Variants in ARHGEF10L observed in about 807,000 individuals in gnomAD.
ARHGEF10L encodes rho guanine nucleotide exchange factor 10-like protein.
In ARHGEF10L, 69 loss-of-function variants were observed where a neutral mutation model predicts 141.2. The ratio of observed to expected loss-of-function variants is 0.49; its 90% CI spans 0.40 to 0.60. The LOEUF is 0.60. ARHGEF10L is among the 20% of genes least tolerant of loss of function. The pLI is 0.00. For missense variants in ARHGEF10L, 1,482 were observed against 1,734.3 expected, an observed-to-expected ratio of 0.85 and a Z score of 2.58; for synonymous variants, 711 against 718.5, an observed-to-expected ratio of 0.99 and a Z score of 0.17.
chr1:17,597,033 T>G (rs2080179386), intron 4 of ARHGEF10L, among the ~76,000 whole-genome samples: 1 of 152,188 alleles, frequency 6.6e-6, no homozygotes, highest in Admixed American at 6.5e-5. Context: ...GGCCTTCTGG[T>G]GCACTTGAAC....
intron 9 of ARHGEF10L, chr1:17,618,262 A>AACCCC: frequency 2.9e-6 from 2 of 684,234 alleles, no homozygotes; most frequent in Non-Finnish European, 4.3e-6. Context: ...AGCCCTCCCC[A>AACCCC]CCCCGCCCAC....
intron 26 of ARHGEF10L, among the ~76,000 whole-genome samples, chr1:17,680,665 AGAG>A (rs1298564926): frequency 2.6e-5 from 4 of 151,740 alleles, no homozygotes; most frequent in Non-Finnish European, 5.9e-5. Flanking sequence ...TACAGATGAC[AGAG>A]GAGACTGAGT....
intron 1 of ARHGEF10L, among the ~76,000 whole-genome samples, chr1:17,564,623 C>T (rs1008030068): frequency 1.3e-5 from 2 of 152,166 alleles, no homozygotes; most frequent in African/African-American, 2.4e-5. Flanking sequence ...CAAAGGCCAG[C>T]GCTCTCATTT....
the ARHGEF10L span, among the ~76,000 whole-genome samples, chr1:17,514,911 G>A: frequency 5.3e-5 from 8 of 152,094 alleles, no homozygotes; most frequent in Admixed American, 4.6e-4. Context: ...CAGCGGCCCC[G>A]TCCAGCCCAC....
At chr1:17,539,560 CG>C (rs1557681577), upstream of ARHGEF10L, among the ~76,000 whole-genome samples, 1 of 151,764 alleles carries the variant, frequency 6.6e-6, no homozygotes, top group African/African-American at 2.4e-5. The surrounding 1 kb of genome is among the most constrained non-coding windows in gnomAD (Gnocchi z 6.0). Flanking sequence ...GGGCTCGCAG[CG>C]GGTCGGGGGA....
intron 19 of ARHGEF10L, among the ~76,000 whole-genome samples, 155 bp downstream of exon 19, chr1:17,638,158 C>T (rs1169764446): frequency 1.3e-5 from 2 of 152,242 alleles, no homozygotes; most frequent in Non-Finnish European, 2.9e-5. Flanking sequence ...GCTGCTGAAG[C>T]TCCATGTCCC....
chr1:17,641,726 C>G (rs893817893), intron 21 of ARHGEF10L, among the ~76,000 whole-genome samples: 5 of 151,936 alleles, frequency 3.3e-5, no homozygotes, highest in Non-Finnish European at 1.5e-5. Flanking sequence ...CGCCTGTAAT[C>G]CTAGCACTTT....
intron 19 of ARHGEF10L, 115 bp from the exon 20 acceptor site, chr1:17,638,447 C>T: frequency 1.4e-6 from 2 of 1,450,562 alleles, no homozygotes; most frequent in East Asian, 2.3e-5. Flanking sequence ...CAGTGAGGCT[C>T]CAGGACTTCT....
intron 1 of ARHGEF10L, among the ~76,000 whole-genome samples, chr1:17,554,927 A>G (rs796615451): frequency 7.9e-5 from 12 of 152,256 alleles, no homozygotes; most frequent in African/African-American, 2.9e-4. Flanking sequence ...CTGACCAGGC[A>G]CTATGCTGTT....
At chr1:17,602,286 C>A in intron 5 of ARHGEF10L, 68 bp downstream of exon 5, 1 of 1,508,296 alleles carries the variant, frequency 6.6e-7, no homozygotes, top group Non-Finnish European at 9.0e-7. Flanking sequence ...GTCTTTCTAA[C>A]CCAAGAGAGC....
chr1:17,608,415 C>T (rs367710774), intron 7 of ARHGEF10L, among the ~76,000 whole-genome samples: 3 of 152,344 alleles, frequency 2.0e-5, no homozygotes, highest in East Asian at 1.9e-4. Flanking sequence ...GGCCTCAGCC[C>T]GCGCAGTCCT....
In ARHGEF10L at chr1:17,656,417, T is replaced by C; in HGVS notation, c.2706-137T>C. 1 of 1,088,282 alleles carries C rather than the reference T, an allele frequency of 9.2e-7. No individual in the cohort carries two copies. Among genetic ancestry groups the C allele is most frequent in the Non-Finnish European group, 1.3e-6 (1 of 746,016 alleles). The allele number at this position is 1,088,282 out of a possible 1,614,324, so 67.4% of individuals were successfully genotyped here. A position where few individuals can be genotyped will look rare whatever the true frequency, so the allele number is the denominator to read the frequency against. ...AGTGAGCTCCCGCATGGTGGAGCTATGGCCTGGCCACACAGCCGAAAGGCG... is the reference window on the plus strand; with the variant it reads ...AGTGAGCTCCCGCATGGTGGAGCTACGGCCTGGCCACACAGCCGAAAGGCG... On this transcript the variant is annotated intron_variant, in intron 24 of 28. Coordinates refer to ENST00000361221, the MANE Select transcript of ARHGEF10L (RefSeq NM_018125.4). This position sits in a 1 kb window ranked among gnomAD's most constrained non-coding sequence, Gnocchi z 4.9.
chr1:17,552,198 G>A (rs2077136768), intron 1 of ARHGEF10L, among the ~76,000 whole-genome samples: 1 of 152,206 alleles, frequency 6.6e-6, no homozygotes, highest in Non-Finnish European at 1.5e-5. Context: ...CAGAGGGCGA[G>A]GGGAGGGGGA....
chr1:17,534,619 T>G, the ARHGEF10L span, among the ~76,000 whole-genome samples: 1 of 149,374 alleles, frequency 6.7e-6, no homozygotes, highest in Non-Finnish European at 1.5e-5. Flanking sequence ...AGAAGGAGTC[T>G]TGCTCTGTTG....
At chr1:17,550,688 G>A (rs921730645) in intron 1 of ARHGEF10L, among the ~76,000 whole-genome samples, 1 of 151,822 alleles carries the variant, frequency 6.6e-6, no homozygotes, top group Non-Finnish European at 1.5e-5. Flanking sequence ...GAAGTCCAAG[G>A]GGGTAGTGAG....
intron 27 of ARHGEF10L, among the ~76,000 whole-genome samples, chr1:17,693,743 G>C (rs995609267): frequency 7.2e-5 from 11 of 152,186 alleles, no homozygotes; most frequent in Admixed American, 1.3e-4. Context: ...GAGTGCTTTG[G>C]AAACTCCAAA....
At chr1:17,629,049 C>T (rs2101629827) in intron 15 of ARHGEF10L, among the ~76,000 whole-genome samples, 1 of 152,178 alleles carries the variant, frequency 6.6e-6, no homozygotes, top group South Asian at 2.1e-4. Context: ...GAGACAGGGC[C>T]TCATGCTGTT....
chr1:17,690,728 G>C (rs942944487), intron 27 of ARHGEF10L, among the ~76,000 whole-genome samples: 2 of 152,160 alleles, frequency 1.3e-5, no homozygotes, highest in African/African-American at 4.8e-5. Flanking sequence ...TGCCAGACCA[G>C]TTCCTCCTGA....
intron 21 of ARHGEF10L, among the ~76,000 whole-genome samples, chr1:17,642,046 G>T (rs12058554): frequency 0.28 from 41,819 of 151,930 alleles, 6,373 homozygotes; most frequent in African/African-American, 0.39. Context: ...TTTCATTAAT[G>T]GAAAAAACTG....
Sources: gnomAD v4.1 joint callset for allele counts (sites outside exome capture counted in the v4.1 genomes callset) on GRCh38, gnomAD v4.1.1 for gene constraint, Gnocchi (gnomAD v3.1) non-coding constraint, MANE v1.5 for transcripts, NCBI Gene and HGNC (gene_info 2026-07-23, HGNC 2026-07-21) for gene names.